The following DLGAP5 variants were observed in gnomAD, a reference collection of about 807,000 sequenced individuals.
DLGAP5 encodes DLG associated protein 5, also known as disks large-associated protein 5.
In DLGAP5, 90 loss-of-function variants were observed where a neutral mutation model predicts 99.6. The ratio of observed to expected loss-of-function variants is 0.90; its 90% CI spans 0.76 to 1.08. DLGAP5 has a LOEUF of 1.08. DLGAP5 is among the 50% of genes least tolerant of loss of function. The pLI is 0.00. For missense variants in DLGAP5, 1,036 were observed against 983.5 expected (o/e 1.05, Z -0.71); for synonymous variants, 311 against 321.3 (o/e 0.97, Z 0.34).
intron 13 of DLGAP5, among the ~76,000 whole-genome samples, chr14:55,162,297 T>A (rs145761012): frequency 6.6e-6 from 1 of 152,188 alleles, no homozygotes; most frequent in South Asian, 2.1e-4. Flanking sequence ...ATTACTATTA[T>A]AACAAAATGT....
rs754933570 is a variant in DLGAP5, at chr14:55,152,622, G to C, written c.2089C>G (p.Pro697Ala). The C allele has an allele frequency of 6.2e-7, 1 of 1,601,570 alleles. No individual in the cohort carries two copies. The highest frequency in any genetic ancestry group is 1.1e-5 in the South Asian group (1 of 87,928). ...SRSSIEDAQC[P>A]GLPDLIEENH... ...TCTTCAATTAAATCTGGTAATCCAG[G>C]ACACTGAGCATCTTCTATGCTGCTC... Residue 697 changes from proline (P) to alanine (A), a missense_variant, in exon 16 of 19, where the codon CCT (proline) becomes GCT (alanine). Coordinates refer to ENST00000247191, the MANE Select transcript of DLGAP5 (RefSeq NM_014750.5).
chr14:55,148,863 A>C (rs2140300977), intron 18 of DLGAP5, among the ~76,000 whole-genome samples: 1 of 152,322 alleles, frequency 6.6e-6, no homozygotes, highest in South Asian at 2.1e-4. Context: ...ATGTAAATGG[A>C]CTCAAGCAGT....
chr14:55,156,603 T>A (rs529085178), intron 14 of DLGAP5, among the ~76,000 whole-genome samples: 18 of 152,292 alleles, frequency 1.2e-4, no homozygotes, highest in African/African-American at 4.3e-4. Context: ...GTCCTACCCA[T>A]GTGCAGAGAG....
Position 55,151,720 on chromosome 14 carries a change from T to G in DLGAP5, c.2343A>C (p.Glu781Asp). 4 of 1,613,330 alleles carry G rather than the reference T, an allele frequency of 2.5e-6. No homozygotes were observed. The highest frequency in any genetic ancestry group is 3.4e-6 in the Non-Finnish European group (4 of 1,179,758). The part of the protein sequence containing the change: ...NTASQNSILE[E>D]GETKISQSEL... ...CTGACTGAGAAATTTTAGTTTCCCC[T>G]TCTTCTAAGATGCTATTTTGTGAAG... The change falls in exon 17 of 19, where the codon GAA becomes GAC. Residue 781 changes from glutamate to aspartate, a missense_variant. Transcript: ENST00000247191.
chr14:55,172,830 A>G (rs1429221686), intron 10 of DLGAP5, among the ~76,000 whole-genome samples: 1 of 151,692 alleles, frequency 6.6e-6, no homozygotes, highest in Non-Finnish European at 1.5e-5. Context: ...AAAAATATAA[A>G]CATTAGCTGG....
chr14:55,167,954 C>T (rs566294859), intron 12 of DLGAP5, among the ~76,000 whole-genome samples: 1 of 152,294 alleles, frequency 6.6e-6, no homozygotes, highest in African/African-American at 2.4e-5. Context: ...GCTAAACACT[C>T]AACAGGCTCC....
intron 13 of DLGAP5, among the ~76,000 whole-genome samples, chr14:55,162,099 CCAAAAACTTTGAATT>C (rs1882465540): frequency 6.6e-6 from 1 of 151,808 alleles, no homozygotes; most frequent in East Asian, 1.9e-4. Context: ...TCCACCCAAA[CCAAAAACTTTGAATT>C]CAAAAACATT....
intron 10 of DLGAP5, among the ~76,000 whole-genome samples, chr14:55,173,278 A>C (rs1472690638): frequency 1.5e-5 from 2 of 129,706 alleles, no homozygotes; most frequent in East Asian, 2.1e-4. Context: ...TCTACAAAAA[A>C]AAAAAAAAAC....
intron 4 of DLGAP5, 125 bp from the exon 5 acceptor site, chr14:55,181,422 A>AC (rs1883271910): frequency 1.6e-6 from 1 of 627,108 alleles, no homozygotes; most frequent in African/African-American, 1.9e-5. Context: ...AACAACAACA[A>AC]AAAACTACCC....
intron 15 of DLGAP5, 85 bp downstream of exon 15, chr14:55,154,532 C>G: frequency 1.8e-6 from 2 of 1,128,888 alleles, no homozygotes; most frequent in East Asian, 4.7e-5. Context: ...AAATATATGT[C>G]TGGCACCTTT....
intron 10 of DLGAP5, 133 bp from the exon 11 acceptor site, chr14:55,170,920 G>A (rs1882837162): frequency 3.2e-6 from 2 of 621,278 alleles, no homozygotes; most frequent in Admixed American, 5.4e-5. Context: ...AGTTGATACT[G>A]AATTATTTAT....
At chr14:55,176,503 G>C (rs909856112) in intron 8 of DLGAP5, among the ~76,000 whole-genome samples, 1 of 151,992 alleles carries the variant, frequency 6.6e-6, no homozygotes, top group Non-Finnish European at 1.5e-5. Context: ...TTATAATTAA[G>C]TCATTTATTA....
At chr14:55,163,195 T>C in intron 12 of DLGAP5, 120 bp from the exon 13 acceptor site, 2 of 477,784 alleles carry the variant, frequency 4.2e-6, no homozygotes, top group East Asian at 3.4e-5. Flanking sequence ...TTATTAAAAC[T>C]GGACTGAGTC....
chr14:55,156,818 G>A (rs1882231040), intron 14 of DLGAP5, among the ~76,000 whole-genome samples: 1 of 152,162 alleles, frequency 6.6e-6, no homozygotes, highest in Non-Finnish European at 1.5e-5. Flanking sequence ...ACAATACACT[G>A]ATGAAACAAG....
chr14:55,150,100 T>C (rs2140301849), intron 18 of DLGAP5, among the ~76,000 whole-genome samples: 1 of 150,608 alleles, frequency 6.6e-6, no homozygotes, highest in South Asian at 2.1e-4. Flanking sequence ...CAATGCTATA[T>C]ATATAAACAG....
At chr14:55,169,309 C>A (rs1882763802) in intron 12 of DLGAP5, 90 bp downstream of exon 12, 2 of 818,660 alleles carry the variant, frequency 2.4e-6, no homozygotes, top group Non-Finnish European at 3.5e-6. Context: ...GGTACATAAG[C>A]AGCTACTATT....
rs1350271900 is a variant in DLGAP5, at chr14:55,154,528, A to G, written c.2063+89T>C. 7.4e-6 allele frequency: 8 copies of G among 1,074,716 alleles called. No homozygotes were observed. The Admixed American group carries it at 1.4e-4, about 19-fold the overall frequency. 66.6% of individuals were successfully genotyped at this position (1,074,716 alleles called of 1,614,324 possible). ...TCATTATGAAATTTATTAAAAATATATGTCTGGCACCTTTTACCATCTTAA... is the reference window on the plus strand; with the variant it reads ...TCATTATGAAATTTATTAAAAATATGTGTCTGGCACCTTTTACCATCTTAA... On this transcript the variant is annotated intron_variant, in intron 15 of 18. Coordinates refer to ENST00000247191, the MANE Select transcript of DLGAP5 (RefSeq NM_014750.5).
At chr14:55,169,668 T>A in intron 11 of DLGAP5, 109 bp from the exon 12 acceptor site, 1 of 953,944 alleles carries the variant, frequency 1.0e-6, no homozygotes, top group Non-Finnish European at 1.5e-6. Context: ...CTACAGGTTG[T>A]TAAGCAAAAC....
intron 12 of DLGAP5, among the ~76,000 whole-genome samples, chr14:55,167,736 A>G (rs1315585822): frequency 1.3e-5 from 2 of 152,226 alleles, no homozygotes; most frequent in Admixed American, 1.3e-4. Flanking sequence ...GGTTCGGTAT[A>G]GAAATCCAGG....
Sources: allele counts gnomAD v4.1 joint callset (sites outside exome capture counted in the v4.1 genomes callset), GRCh38; gene constraint gnomAD v4.1.1; transcripts MANE v1.5; gene names NCBI Gene and HGNC (gene_info 2026-07-23, HGNC 2026-07-21).